SLC38A1: variants seen among roughly 807,000 people sequenced by gnomAD.
SLC38A1 encodes the protein sodium-coupled neutral amino acid symporter 1.
A neutral mutation model predicts 60.3 loss-of-function variants in SLC38A1; 18 were observed. That is an observed-to-expected ratio of 0.30 (90% CI 0.21 to 0.44). The LOEUF (loss-of-function observed/expected upper bound fraction) is 0.44, where lower values mean the gene tolerates loss of function less well. Among genes scored for constraint, SLC38A1 ranks in the 20% least tolerant of loss-of-function variants. The probability of loss-of-function intolerance (pLI) is 1.00; values close to 1 mark genes in which losing one functional copy is unlikely to be tolerated. For missense variants in SLC38A1, 448 were observed against 587.2 expected (o/e 0.76, Z 2.45); for synonymous variants, 196 against 212.1 (o/e 0.92, Z 0.66).
In SLC38A1 at chr12:46,255,667, C is replaced by T. The variant is rs148856465; in HGVS notation, c.-208-12353G>A. 3.3e-5 allele frequency among the ~76,000 whole-genome samples: 5 copies of T among 152,314 alleles called. No individual in the cohort carries two copies. The East Asian group carries it at 9.6e-4, about 29-fold the overall frequency. ...TCTTAATTATATGTTACAATGCTAA[C>T]TCTTTTACTTTTGATGAAAACCTTG... On this transcript the variant is annotated intron_variant, in intron 1 of 16. Coordinates refer to ENST00000398637, the MANE Select transcript of SLC38A1 (RefSeq NM_030674.4).
chr12:46,207,035 A>G (rs1393744866), intron 8 of SLC38A1, 120 bp downstream of exon 8: 1 of 667,116 alleles, frequency 1.5e-6, no homozygotes, highest in Admixed American at 3.2e-5. Flanking sequence ...GAAACAACAA[A>G]CAAACAAAAC....
Position 46,207,516 on chromosome 12 carries a change from ATGTTCTTTT to A in SLC38A1, c.481+4_481+12del. On this transcript the variant is annotated splice_donor_5th_base_variant and intron_variant, in intron 7 of 16. Transcript: ENST00000398637. Reference sequence around the variant, plus strand: ...AGTTTCAAGTTATGTAAAGAAAAGCATGTTCTTTTTACCTCCAGTGTTCTGTAGAGAGGT... The same window carrying A: ...AGTTTCAAGTTATGTAAAGAAAAGCATACCTCCAGTGTTCTGTAGAGAGGT... 1.2e-6 allele frequency: 2 copies of A among 1,608,280 alleles called. No homozygotes were observed. Among genetic ancestry groups the A allele is most frequent in the Non-Finnish European group, 1.7e-6 (2 of 1,174,866 alleles).
At chr12:46,236,782 T>C (rs531334629) in intron 3 of SLC38A1, among the ~76,000 whole-genome samples, 1 of 152,230 alleles carries the variant, frequency 6.6e-6, no homozygotes, top group African/African-American at 2.4e-5. Context: ...TCAGCAGTTA[T>C]GGGCGTCACC....
At chr12:46,245,304 G>C (rs1941576134) in intron 1 of SLC38A1, among the ~76,000 whole-genome samples, 1 of 152,170 alleles carries the variant, frequency 6.6e-6, no homozygotes. Context: ...TTTTGAGAAA[G>C]TATTAGTAGA....
chr12:46,189,137 A>G, intron 16 of SLC38A1, 66 bp from the exon 17 acceptor site: 1 of 1,172,898 alleles, frequency 8.5e-7, no homozygotes, highest in Admixed American at 1.8e-5. Context: ...TACCTGGGGA[A>G]AAAAAATAGA....
chr12:46,231,411 G>T (rs1941072931), intron 3 of SLC38A1, among the ~76,000 whole-genome samples: 1 of 152,094 alleles, frequency 6.6e-6, no homozygotes, highest in Non-Finnish European at 1.5e-5. Context: ...AACTGGACTT[G>T]TACCTCCTAA....
intron 1 of SLC38A1, among the ~76,000 whole-genome samples, chr12:46,251,321 T>G (rs560508055): frequency 3.3e-5 from 5 of 152,206 alleles, no homozygotes; most frequent in Non-Finnish European, 5.9e-5. Flanking sequence ...GATCCCTTCT[T>G]GACACCTTAT....
intron 1 of SLC38A1, among the ~76,000 whole-genome samples, chr12:46,251,959 ACCATTTGACCCAGCAATC>A (rs571714666): frequency 3.3e-5 from 5 of 152,302 alleles, no homozygotes; most frequent in Middle Eastern, 3.4e-3. Flanking sequence ...AACCAGAAAT[ACCATTTGACCCAGCAATC>A]CCATTACTGG....
intron 5 of SLC38A1, among the ~76,000 whole-genome samples, chr12:46,222,953 A>G (rs1433899777): frequency 6.6e-6 from 1 of 152,344 alleles, no homozygotes; most frequent in East Asian, 1.9e-4. Context: ...TATTGGTGGA[A>G]CACTAGCAAG....
At chr12:46,196,096 G>A (rs1464156864) in intron 16 of SLC38A1, 2 of 1,518,296 alleles carry the variant, frequency 1.3e-6, no homozygotes, top group Non-Finnish European at 1.8e-6. Context: ...AGCAACCTCA[G>A]GTATTTCTTT....
chr12:46,189,713 TG>T (rs1565745172), intron 16 of SLC38A1, among the ~76,000 whole-genome samples: 1 of 152,112 alleles, frequency 6.6e-6, no homozygotes, highest in African/African-American at 2.4e-5. Flanking sequence ...AATTGAATCC[TG>T]GGGGCGGGTC....
chr12:46,217,420 C>T (rs1592101304), intron 5 of SLC38A1, among the ~76,000 whole-genome samples: 1 of 152,206 alleles, frequency 6.6e-6, no homozygotes, highest in East Asian at 1.9e-4. Flanking sequence ...AGCCTGAACA[C>T]TCCGAACAGA....
At chr12:46,226,465 C>T (rs1409240976) in intron 5 of SLC38A1, among the ~76,000 whole-genome samples, 1 of 151,238 alleles carries the variant, frequency 6.6e-6, no homozygotes, top group South Asian at 2.1e-4. Context: ...GGACATATCC[C>T]AAAAATTACA....
chr12:46,237,633 T>C (rs929648054), intron 3 of SLC38A1, among the ~76,000 whole-genome samples: 1 of 151,786 alleles, frequency 6.6e-6, no homozygotes, highest in Non-Finnish European at 1.5e-5. Flanking sequence ...AAGTTGCGGG[T>C]GAGAATAGAT....
At chr12:46,242,684 C>T (rs1941485292) in intron 2 of SLC38A1, among the ~76,000 whole-genome samples, 2 of 152,124 alleles carry the variant, frequency 1.3e-5, no homozygotes, top group African/African-American at 2.4e-5. Context: ...TGCCTGTGGT[C>T]CCAGCTACTT....
At position 46,196,359 on chromosome 12, in the gene SLC38A1, C is replaced by A. The variant is rs1350645241; in HGVS notation, c.1362+1361G>T. 3.3e-6 allele frequency: 5 copies of A among 1,503,006 alleles called. No individual in the cohort carries two copies. In the East Asian group the frequency reaches 7.4e-5, roughly 22 times the overall value. The allele number at this position is 1,503,006 out of a possible 1,614,324, so 93.1% of individuals were successfully genotyped here. On this transcript the variant is annotated intron_variant, in intron 16 of 16. Coordinates refer to ENST00000398637, the MANE Select transcript of SLC38A1 (RefSeq NM_030674.4). ...TGGGTCCAGTCTAACTCCCAGTGGT[C>A]CTTACACAGATGGAACCCTTGTCTA...
At chr12:46,201,666 G>C (rs1939665166) in intron 12 of SLC38A1, among the ~76,000 whole-genome samples, 1 of 151,974 alleles carries the variant, frequency 6.6e-6, no homozygotes, top group African/African-American at 2.4e-5. Context: ...GCACCTGGAA[G>C]TCTGTAGGTC....
At chr12:46,260,479 T>C (rs1942163794) in intron 1 of SLC38A1, among the ~76,000 whole-genome samples, 1 of 152,222 alleles carries the variant, frequency 6.6e-6, no homozygotes, top group African/African-American at 2.4e-5. Context: ...TGTTTCTTCA[T>C]CTGTAAAATG....
At position 46,239,868 on chromosome 12, in the gene SLC38A1, G is replaced by A; in HGVS notation, c.-68C>T. The A allele has an allele frequency of 6.5e-7, 1 of 1,542,182 alleles. No individual in the cohort carries two copies. Among genetic ancestry groups the A allele is most frequent in the Non-Finnish European group, 8.9e-7 (1 of 1,127,762 alleles). On this transcript the variant is annotated 5_prime_UTR_variant, in exon 3 of 17. Transcript: ENST00000398637. ...CCTGTTCTGAGTGTATTTAGAAGTA[G>A]ATACCAAAATGGAAGCTTGACACCC... is the stretch of plus-strand genomic sequence containing the variant.
Sources: allele counts gnomAD v4.1 joint callset (sites outside exome capture counted in the v4.1 genomes callset), GRCh38; gene constraint gnomAD v4.1.1; transcripts MANE v1.5; gene names NCBI Gene and HGNC (gene_info 2026-07-23, HGNC 2026-07-21).